Variants in STK24 observed in about 807,000 individuals in gnomAD.
STK24 encodes the protein serine/threonine kinase 24.
STK24 carries 21 observed loss-of-function variants against 55.6 expected under a neutral mutation model. The ratio of observed to expected loss-of-function variants is 0.38; its 90% CI spans 0.27 to 0.54. STK24 has a LOEUF of 0.54. Ranked by LOEUF, STK24 falls within the 20% of genes least tolerant of loss-of-function variation. The pLI is 0.79. For synonymous variants in STK24, 200 were observed against 215.2 expected, an observed-to-expected ratio of 0.93 and a Z score of 0.62; for missense variants, 383 against 538.4, an observed-to-expected ratio of 0.71 and a Z score of 2.86.
At chr13:98,553,730 C>A (rs2139438680) in intron 1 of STK24, 1 of 152,220 alleles carries the variant, frequency 6.6e-6, no homozygotes, top group South Asian at 2.1e-4. Flanking sequence ...CGATGAAGTA[C>A]AAAGAGAGTT....
At chr13:98,568,938 T>C (rs1182385504) in intron 1 of STK24, among the ~76,000 whole-genome samples, 3 of 151,634 alleles carry the variant, frequency 2.0e-5, no homozygotes, top group African/African-American at 4.9e-5. Flanking sequence ...TAATAAAGTT[T>C]CAGAAAGAAA....
At chr13:98,509,675 C>T (rs1032599469) in intron 2 of STK24, among the ~76,000 whole-genome samples, 6 of 152,196 alleles carry the variant, frequency 3.9e-5, no homozygotes, top group Non-Finnish European at 5.9e-5. Flanking sequence ...AGGCCCAGCT[C>T]GCTGGCCAAG....
At position 98,474,824 on chromosome 13, in the gene STK24, C is replaced by T. The variant is rs749488403; in HGVS notation, c.594G>A (p.Ser198=). 2.5e-6 allele frequency: 4 copies of T among 1,609,298 alleles called. No homozygotes were observed. The highest frequency in any genetic ancestry group is 1.7e-4 in the Middle Eastern group (1 of 5,964). ...PEVIKQSAYD[S]KADIWSLGIT... is the part of the protein sequence containing the mutation. ...GCCGCCCTCACCCTCCCCTCACCTT[C>T]GAGTCATAGGCCGACTGTTTGATGA... The change falls in exon 5 of 11, where the codon TCG becomes TCA. Residue 198 remains serine, a synonymous_variant. Transcript: ENST00000539966.
intron 1 of STK24, among the ~76,000 whole-genome samples, chr13:98,558,846 AG>A (rs1897340403): frequency 6.6e-6 from 1 of 152,094 alleles, no homozygotes; most frequent in Non-Finnish European, 1.5e-5. Flanking sequence ...TGGTGACCAC[AG>A]AAGTAAATTA....
At chr13:98,459,590 G>A (rs934390150) in intron 9 of STK24, among the ~76,000 whole-genome samples, 1 of 152,228 alleles carries the variant, frequency 6.6e-6, no homozygotes, top group African/African-American at 2.4e-5. Flanking sequence ...AGGAGAATGA[G>A]CTCCTATGAC....
Position 98,463,830 on chromosome 13 carries a change from T to C in STK24, c.790A>G (p.Thr264Ala). 1 of 1,612,436 alleles carries C rather than the reference T, an allele frequency of 6.2e-7. No individual in the cohort carries two copies. The highest frequency in any genetic ancestry group is 8.5e-7 in the Non-Finnish European group (1 of 1,179,234). ...TTGTGCTTCAATAACTCCTTAGCAG[T>C]GGGTCTCTGGAAAAACACACCCAAC... ...CLNKEPSFRP[T>A]AKELLKHKFI... The change falls in exon 7 of 11, where the codon ACT (threonine) becomes GCT (alanine). Residue 264 changes from threonine (T) to alanine (A), a missense_variant. By Grantham distance (58) the Thr-to-Ala change is moderately conservative. Coordinates refer to ENST00000539966, the MANE Select transcript of STK24 (RefSeq NM_001032296.4).
chr13:98,445,802 G>A lies in STK24; in HGVS notation c.*7371C>T, dbSNP rs9517309. On this transcript the variant is annotated 3_prime_UTR_variant, in exon 11 of 11. Coordinates refer to ENST00000539966, the MANE Select transcript of STK24 (RefSeq NM_001032296.4). Reference sequence around the variant, plus strand: ...TCGTCTTCACTAGTTACCCTGCAACGAGCCTATTTCCAAATAAGCCTGTGT... The same window carrying A: ...TCGTCTTCACTAGTTACCCTGCAACAAGCCTATTTCCAAATAAGCCTGTGT... The A allele has an allele frequency of 1.5e-5, 4 of 275,082 alleles. No individual in the cohort carries two copies. The highest frequency in any genetic ancestry group is 6.7e-5 in the African/African-American group (3 of 44,596). 17.0% of individuals were successfully genotyped at this position (275,082 alleles called of 1,614,324 possible). A position where few individuals can be genotyped will look rare whatever the true frequency, so the allele number is the denominator to read the frequency against.
At chr13:98,510,492 ACAG>A (rs1895845507) in intron 2 of STK24, among the ~76,000 whole-genome samples, 1 of 152,244 alleles carries the variant, frequency 6.6e-6, no homozygotes, top group Non-Finnish European at 1.5e-5. Context: ...GTTCATGGGA[ACAG>A]TATTCACAAC....
At chr13:98,501,254 G>A (rs1895449131) in intron 2 of STK24, among the ~76,000 whole-genome samples, 2 of 152,232 alleles carry the variant, frequency 1.3e-5, no homozygotes, top group African/African-American at 2.4e-5. Flanking sequence ...CCCCAGGAGG[G>A]GAATCGCCCT....
chr13:98,568,578 G>A (rs1220707287), intron 1 of STK24, among the ~76,000 whole-genome samples: 1 of 152,128 alleles, frequency 6.6e-6, no homozygotes, highest in Non-Finnish European at 1.5e-5. Context: ...TAAAAATGGG[G>A]AATGAAGGCC....
intron 9 of STK24, among the ~76,000 whole-genome samples, chr13:98,459,562 G>A (rs943656385): frequency 6.6e-6 from 1 of 152,246 alleles, no homozygotes; most frequent in Non-Finnish European, 1.5e-5. Flanking sequence ...CCCCCGCTGC[G>A]TGACGCAGGC....
chr13:98,480,598 A>G (rs1176679483), intron 3 of STK24, among the ~76,000 whole-genome samples: 2 of 152,116 alleles, frequency 1.3e-5, no homozygotes, highest in Non-Finnish European at 2.9e-5. Context: ...TTTTAATACC[A>G]TTTTTATCAA....
intron 1 of STK24, among the ~76,000 whole-genome samples, chr13:98,543,280 G>C (rs2139423275): frequency 6.6e-6 from 1 of 152,304 alleles, no homozygotes; most frequent in African/African-American, 2.4e-5. Flanking sequence ...CAGGAAGTCT[G>C]CATACATTTA....
chr13:98,567,950 G>A (rs1212168281), intron 1 of STK24, among the ~76,000 whole-genome samples: 1 of 149,328 alleles, frequency 6.7e-6, no homozygotes, highest in Admixed American at 6.7e-5. Context: ...AAAAGGGGGG[G>A]GGTGGGGAGT....
chr13:98,494,481 C>A (rs1371540496), intron 2 of STK24, among the ~76,000 whole-genome samples: 2 of 146,162 alleles, frequency 1.4e-5, no homozygotes, highest in African/African-American at 5.0e-5. Flanking sequence ...GGTTCACAAA[C>A]AGCAAATGCT....
intron 5 of STK24, among the ~76,000 whole-genome samples, chr13:98,471,853 T>A (rs1403280911): frequency 6.6e-6 from 1 of 152,160 alleles, no homozygotes; most frequent in African/African-American, 2.4e-5. Flanking sequence ...AGGTGTGACT[T>A]GGGCACGTGC....
chr13:98,543,178 A>C (rs551827035), intron 1 of STK24: 2 of 245,066 alleles, frequency 8.2e-6, no homozygotes, highest in Admixed American at 6.5e-5. Flanking sequence ...GTCCCCACAG[A>C]GTTGTTTTTT....
intron 1 of STK24, among the ~76,000 whole-genome samples, chr13:98,561,891 C>A (rs1362228149): frequency 6.7e-6 from 1 of 149,000 alleles, no homozygotes; most frequent in African/African-American, 2.5e-5. Context: ...GCATGGGAAT[C>A]GCTTGAACCC....
At chr13:98,514,875 A>G (rs1231267914) in intron 2 of STK24, among the ~76,000 whole-genome samples, 3 of 152,158 alleles carry the variant, frequency 2.0e-5, no homozygotes, top group African/African-American at 7.2e-5. Context: ...AGGGAAAATC[A>G]TCATTTACTA....
Sources: allele counts gnomAD v4.1 joint callset (sites outside exome capture counted in the v4.1 genomes callset), GRCh38; gene constraint gnomAD v4.1.1; transcripts MANE v1.5; gene names NCBI Gene and HGNC (gene_info 2026-07-23, HGNC 2026-07-21).